SLC25A33: variants seen among roughly 807,000 people sequenced by gnomAD.
SLC25A33 encodes the protein solute carrier family 25 member 33, also known as bone marrow stromal cell mitochondrial carrier protein.
Under a neutral mutation model 35.5 loss-of-function variants are expected in SLC25A33, and 15 were observed. The observed-to-expected ratio is 0.42, with a 90% CI of 0.28 to 0.65. The LOEUF (loss-of-function observed/expected upper bound fraction) is 0.65, where lower values mean the gene tolerates loss of function less well. Among genes scored for constraint, SLC25A33 ranks in the 30% least tolerant of loss-of-function variants. The pLI is 0.20. For synonymous variants in SLC25A33, 136 were observed against 148.7 expected (o/e 0.91, Z 0.62); for missense variants, 257 against 398.5 (o/e 0.64, Z 3.02).
intron 5 of SLC25A33, among the ~76,000 whole-genome samples, chr1:9,577,946 CAG>C (rs1349984636): frequency 6.6e-6 from 1 of 152,130 alleles, no homozygotes; most frequent in African/African-American, 2.4e-5. Flanking sequence ...TGTTTTGAGA[CAG>C]AGTCTTACTC....
At chr1:9,569,469 C>T (rs998678369) in intron 3 of SLC25A33, among the ~76,000 whole-genome samples, 2 of 152,198 alleles carry the variant, frequency 1.3e-5, no homozygotes, top group Non-Finnish European at 2.9e-5. Flanking sequence ...ACAGGCAATG[C>T]TCCTACAGTG....
At chr1:9,576,877 A>G in intron 5 of SLC25A33, 2 of 1,270,444 alleles carry the variant, frequency 1.6e-6, no homozygotes, top group Non-Finnish European at 2.3e-6. Flanking sequence ...AGCTTGTTTC[A>G]AATTCAGTTG....
chr1:9,555,322 GTTA>G (rs1643326395), intron 2 of SLC25A33, among the ~76,000 whole-genome samples: 1 of 151,856 alleles, frequency 6.6e-6, no homozygotes, highest in Non-Finnish European at 1.5e-5. Context: ...GTTTCACCAT[GTTA>G]GCCAGGATGG....
intron 2 of SLC25A33, among the ~76,000 whole-genome samples, chr1:9,562,770 T>G (rs1643441933): frequency 6.6e-6 from 1 of 150,892 alleles, no homozygotes; most frequent in Non-Finnish European, 1.5e-5. Context: ...GGAGAATCAC[T>G]TGAACCTGGG....
At chr1:9,541,687 A>AT (rs752384884) in intron 1 of SLC25A33, among the ~76,000 whole-genome samples, 4,758 of 138,486 alleles carry the variant, frequency 0.034, 202 homozygotes, top group Admixed American at 0.11. Context: ...CAACTTGGCC[A>AT]TTTTTTTTTT....
intron 2 of SLC25A33, among the ~76,000 whole-genome samples, chr1:9,564,739 A>AAAAAAAAAAATAT (rs60174872): frequency 3.1e-5 from 3 of 96,540 alleles, no homozygotes; most frequent in African/African-American, 1.3e-4. Context: ...AAAAAAAAAA[A>AAAAAAAAAAATAT]ATATATATAT....
chr1:9,554,741 A>G (rs1387754105), intron 2 of SLC25A33, among the ~76,000 whole-genome samples: 1 of 152,166 alleles, frequency 6.6e-6, no homozygotes, highest in African/African-American at 2.4e-5. Flanking sequence ...TTTGTTTTAT[A>G]CCTGAGCTAC....
chr1:9,556,825 C>T (rs747237086), intron 2 of SLC25A33, among the ~76,000 whole-genome samples: 6 of 152,124 alleles, frequency 3.9e-5, no homozygotes, highest in Non-Finnish European at 7.3e-5. Context: ...AACTTCCACA[C>T]CACACAAAAG....
At chr1:9,543,466 T>C (rs1034900103) in intron 1 of SLC25A33, among the ~76,000 whole-genome samples, 5 of 152,296 alleles carry the variant, frequency 3.3e-5, no homozygotes, top group African/African-American at 1.2e-4. Context: ...TTCTATTGTT[T>C]AAACCACCTC....
At chr1:9,550,381 G>C (rs371589976) in intron 1 of SLC25A33, among the ~76,000 whole-genome samples, 2 of 152,204 alleles carry the variant, frequency 1.3e-5, no homozygotes, top group South Asian at 4.1e-4. Context: ...AATGAGTGCA[G>C]TTTACTTAGG....
intron 2 of SLC25A33, among the ~76,000 whole-genome samples, chr1:9,563,344 T>C (rs1039534769): frequency 2.6e-5 from 4 of 152,218 alleles, no homozygotes; most frequent in African/African-American, 2.4e-5. Context: ...GGTACAGATA[T>C]TCTTTATTTT....
intron 2 of SLC25A33, among the ~76,000 whole-genome samples, chr1:9,557,728 G>GTAT (rs1356343532): frequency 1.3e-5 from 2 of 152,150 alleles, no homozygotes; most frequent in Non-Finnish European, 2.9e-5. Context: ...TTTGGGAAAT[G>GTAT]TTAGAAAAAG....
intron 2 of SLC25A33, among the ~76,000 whole-genome samples, chr1:9,565,839 C>T (rs1187204736): frequency 2.0e-5 from 3 of 150,474 alleles, no homozygotes; most frequent in African/African-American, 7.3e-5. Context: ...GATTGCACCA[C>T]TGCATTCCAG....
intron 5 of SLC25A33, chr1:9,576,719 T>C: frequency 2.6e-6 from 2 of 760,872 alleles, no homozygotes; most frequent in Non-Finnish European, 4.5e-6. Flanking sequence ...CCCACCGACA[T>C]TGTTATCCAG....
intron 1 of SLC25A33, among the ~76,000 whole-genome samples, chr1:9,542,675 G>A (rs1410185193): frequency 6.6e-6 from 1 of 152,156 alleles, no homozygotes; most frequent in Admixed American, 6.6e-5. Context: ...CACTTCCTTT[G>A]AAAAGAAGTC....
chr1:9,550,020 T>A (rs1446145484), intron 1 of SLC25A33, among the ~76,000 whole-genome samples: 1,731 of 105,692 alleles, frequency 0.016, 114 homozygotes, highest in African/African-American at 0.065. Flanking sequence ...TATTTTTTTT[T>A]TTTTTTTTTT....
intron 5 of SLC25A33, among the ~76,000 whole-genome samples, chr1:9,575,431 A>G (rs1030620769): frequency 6.6e-5 from 10 of 151,450 alleles, no homozygotes; most frequent in African/African-American, 2.4e-4. Flanking sequence ...CCTGGCCAAC[A>G]TGGTGAAACC....
intron 3 of SLC25A33, among the ~76,000 whole-genome samples, chr1:9,569,136 T>C (rs1643553242): frequency 6.6e-6 from 1 of 151,186 alleles, no homozygotes; most frequent in Non-Finnish European, 1.5e-5. Flanking sequence ...TCCCAGCTGC[T>C]CGGGAGGCTG....
intron 6 of SLC25A33, among the ~76,000 whole-genome samples, chr1:9,580,986 T>TA (rs1057003737): frequency 6.6e-6 from 1 of 152,170 alleles, no homozygotes; most frequent in Non-Finnish European, 1.5e-5. Flanking sequence ...CTGGCCTACT[T>TA]ATTTTAAAAA....
Sources: allele counts gnomAD v4.1 joint callset (sites outside exome capture counted in the v4.1 genomes callset), GRCh38; gene constraint gnomAD v4.1.1; transcripts MANE v1.5; gene names NCBI Gene and HGNC (gene_info 2026-07-23, HGNC 2026-07-21).